The following CDS2 variants were observed in gnomAD, a reference collection of about 807,000 sequenced individuals.
The protein encoded by CDS2 is CDP-diacylglycerol synthase 2, also known as phosphatidate cytidylyltransferase 2.
In CDS2, 47 loss-of-function variants were observed where a neutral mutation model predicts 59.0. That is an observed-to-expected ratio of 0.80 (90% CI 0.63 to 1.02). CDS2 has a LOEUF of 1.02. Ranked by LOEUF, CDS2 falls within the 50% of genes least tolerant of loss-of-function variation. CDS2 has a pLI of 0.00. For synonymous variants in CDS2, 207 were observed against 206.4 expected, an observed-to-expected ratio of 1.00 and a Z score of -0.02; for missense variants, 356 against 558.9, an observed-to-expected ratio of 0.64 and a Z score of 3.66.
chr20:5,173,900 C>G (rs921875157), intron 2 of CDS2, among the ~76,000 whole-genome samples: 6 of 152,200 alleles, frequency 3.9e-5, no homozygotes, highest in Non-Finnish European at 4.4e-5. Context: ...AAGGGTGCTT[C>G]AGACTGGACT....
At chr20:5,150,128 TA>T (rs2090777093) in intron 1 of CDS2, among the ~76,000 whole-genome samples, 1 of 152,220 alleles carries the variant, frequency 6.6e-6, no homozygotes, top group Non-Finnish European at 1.5e-5. Flanking sequence ...TAAAGGATCT[TA>T]AAAAACGATC....
At chr20:5,164,378 G>T (rs886333229) in intron 1 of CDS2, among the ~76,000 whole-genome samples, 9 of 152,094 alleles carry the variant, frequency 5.9e-5, no homozygotes, top group African/African-American at 1.9e-4. Context: ...TTTTGTCTAG[G>T]AATCTTTGTA....
In CDS2 at chr20:5,195,523, A is replaced by G. The variant is rs1263904483; in HGVS notation, c.*5289A>G. On this transcript the variant is annotated 3_prime_UTR_variant, in exon 13 of 13. Transcript: ENST00000460006. ...AGGCCATCTCCTCCTGTCTGGTGGTACCTCCACTCTGGGCAGGGAGGGCCT... is the reference window on the plus strand; with the variant it reads ...AGGCCATCTCCTCCTGTCTGGTGGTGCCTCCACTCTGGGCAGGGAGGGCCT... 6.6e-6 allele frequency: 1 copy of G among 152,144 alleles called. No homozygotes were observed. Among genetic ancestry groups the G allele is most frequent in the Non-Finnish European group, 1.5e-5 (1 of 68,186 alleles). 9.4% of individuals were successfully genotyped at this position (152,144 alleles called of 1,614,324 possible). A position where few individuals can be genotyped will look rare whatever the true frequency, so the allele number is the denominator to read the frequency against.
In CDS2 at chr20:5,190,097, TC is replaced by T. The variant is rs764645291; in HGVS notation, c.1206-3del. On this transcript the variant is annotated splice_region_variant and splice_polypyrimidine_tract_variant and intron_variant, in intron 12 of 12. Transcript: ENST00000460006. ...TCAGTGCTGTTTCTTCACATTCTGT[TC>T]CAGAGGCCCTAACCCAAGCAAACTG... 4 of 1,613,708 alleles carry T rather than the reference TC, an allele frequency of 2.5e-6. No individual in the cohort carries two copies. Among genetic ancestry groups the T allele is most frequent in the Non-Finnish European group, 3.4e-6 (4 of 1,179,760 alleles).
intron 1 of CDS2, among the ~76,000 whole-genome samples, chr20:5,155,449 G>T (rs2090825683): frequency 6.6e-6 from 1 of 152,122 alleles, no homozygotes; most frequent in South Asian, 2.1e-4. Context: ...TAAAATTATG[G>T]AAGGTGCCCT....
chr20:5,138,032 C>T (rs1039733922), intron 1 of CDS2, among the ~76,000 whole-genome samples: 5 of 151,672 alleles, frequency 3.3e-5, no homozygotes, highest in African/African-American at 1.2e-4. Context: ...CTCCTGACCT[C>T]GTGATGCGCA....
Position 5,127,075 on chromosome 20 carries a change from C to T in CDS2, c.-18C>T, listed in dbSNP as rs1358822631. On this transcript the variant is annotated 5_prime_UTR_variant, in exon 1 of 13. Transcript: ENST00000460006. Reference sequence around the variant, plus strand: ...CTTCGCTGCTAGCTCGCGGCGACGTCGGGCCGATTTTCCCAGGATGACAGA... The same window carrying T: ...CTTCGCTGCTAGCTCGCGGCGACGTTGGGCCGATTTTCCCAGGATGACAGA... 9 of 1,489,830 alleles carry T rather than the reference C, an allele frequency of 6.0e-6. 1 individual carries two copies. Among genetic ancestry groups the T allele is most frequent in the Middle Eastern group, 1.7e-4 (1 of 5,826 alleles). The allele number at this position is 1,489,830 out of a possible 1,614,324, so 92.3% of individuals were successfully genotyped here. A position where few individuals can be genotyped will look rare whatever the true frequency, so the allele number is the denominator to read the frequency against.
At chr20:5,157,227 T>G (rs1460629273) in intron 1 of CDS2, among the ~76,000 whole-genome samples, 1 of 152,180 alleles carries the variant, frequency 6.6e-6, no homozygotes, top group Non-Finnish European at 1.5e-5. Flanking sequence ...AGGAAACGGT[T>G]TTCTGACACA....
At chr20:5,134,844 G>A (rs2083233875) in intron 1 of CDS2, among the ~76,000 whole-genome samples, 1 of 152,120 alleles carries the variant, frequency 6.6e-6, no homozygotes. Flanking sequence ...AATTGGTAAG[G>A]TAGAAAATGA....
intron 1 of CDS2, among the ~76,000 whole-genome samples, chr20:5,159,027 G>C (rs1473745196): frequency 6.6e-6 from 1 of 152,120 alleles, no homozygotes; most frequent in Non-Finnish European, 1.5e-5. Context: ...GGAACAGAAG[G>C]ATAAGCGAGC....
At chr20:5,164,910 TG>T (rs1298923662) in intron 1 of CDS2, among the ~76,000 whole-genome samples, 1 of 152,240 alleles carries the variant, frequency 6.6e-6, no homozygotes, top group Non-Finnish European at 1.5e-5. Context: ...TGATGGAGGT[TG>T]GTACTTCCTG....
chr20:5,152,388 A>G (rs984083053), intron 1 of CDS2, among the ~76,000 whole-genome samples: 45 of 152,182 alleles, frequency 3.0e-4, no homozygotes, highest in African/African-American at 1.1e-3. Flanking sequence ...TTTCCTGTTT[A>G]TCTTGGTGTA....
intron 1 of CDS2, among the ~76,000 whole-genome samples, chr20:5,134,810 C>T (rs537555737): frequency 2.6e-5 from 4 of 152,256 alleles, no homozygotes; most frequent in Admixed American, 1.3e-4. Context: ...CATGAGCCAC[C>T]GTACCCAGCC....
chr20:5,131,727 A>G (rs2090609433), intron 1 of CDS2, among the ~76,000 whole-genome samples: 1 of 152,240 alleles, frequency 6.6e-6, no homozygotes, highest in African/African-American at 2.4e-5. Context: ...AGTTACATCT[A>G]CCTTGAGCCT....
chr20:5,142,463 G>T (rs1334296213), intron 1 of CDS2, among the ~76,000 whole-genome samples: 1 of 151,774 alleles, frequency 6.6e-6, no homozygotes, highest in Non-Finnish European at 1.5e-5. Flanking sequence ...AAAACTTAAG[G>T]CATATTAATG....
At chr20:5,161,824 C>G (rs2090878608) in intron 1 of CDS2, among the ~76,000 whole-genome samples, 1 of 152,218 alleles carries the variant, frequency 6.6e-6, no homozygotes, top group East Asian at 1.9e-4. Flanking sequence ...TTTTTGTCTC[C>G]TTACTGTTTT....
At position 5,183,146 on chromosome 20, in the gene CDS2, G is replaced by A. The variant is rs1408128447; in HGVS notation, c.671+3G>A. 2 of 1,612,334 alleles carry A rather than the reference G, an allele frequency of 1.2e-6. No homozygotes were observed. The highest frequency in any genetic ancestry group is 1.7e-6 in the Non-Finnish European group (2 of 1,178,418). ...AACCTATTTGAAGGAATGATCTGGT[G>A]AGAATTGGGAGTTGGATTTTCCCTT... On this transcript the variant is annotated splice_donor_region_variant and intron_variant, in intron 7 of 12. Coordinates refer to ENST00000460006, the MANE Select transcript of CDS2 (RefSeq NM_003818.4).
At chr20:5,175,152 T>C in intron 2 of CDS2, 31 bp from the exon 3 acceptor site, 2 of 1,527,744 alleles carry the variant, frequency 1.3e-6, no homozygotes, top group South Asian at 1.1e-5. Flanking sequence ...TCCTAACTGG[T>C]GTTTTCTCCT....
At chr20:5,151,605 AT>A (rs1309673468) in intron 1 of CDS2, among the ~76,000 whole-genome samples, 2 of 151,704 alleles carry the variant, frequency 1.3e-5, no homozygotes, top group African/African-American at 2.4e-5. Context: ...TAAAAAAAAA[AT>A]AAATAAAATT....
Sources: gnomAD v4.1 joint callset for allele counts (sites outside exome capture counted in the v4.1 genomes callset) on GRCh38, gnomAD v4.1.1 for gene constraint, MANE v1.5 for transcripts, NCBI Gene and HGNC (gene_info 2026-07-23, HGNC 2026-07-21) for gene names.